LYPD6B: variants seen among roughly 807,000 people sequenced by gnomAD.
The protein encoded by LYPD6B is LY6/PLAUR domain containing 6B.
LYPD6B carries 17 observed loss-of-function variants against 22.8 expected under a neutral mutation model. That is an observed-to-expected ratio of 0.75 (90% CI 0.51 to 1.12). The LOEUF (loss-of-function observed/expected upper bound fraction) is 1.12, where lower values mean the gene tolerates loss of function less well. Ranked by LOEUF, LYPD6B falls within the 50% of genes most tolerant of loss-of-function variation. The pLI is 0.00. For missense variants in LYPD6B, 221 were observed against 258.3 expected, an observed-to-expected ratio of 0.86 and a Z score of 0.99; for synonymous variants, 106 against 91.6, an observed-to-expected ratio of 1.16 and a Z score of -0.90.
intron 2 of LYPD6B, among the ~76,000 whole-genome samples, chr2:149,139,545 G>A (rs1277089864): frequency 6.6e-6 from 1 of 152,162 alleles, no homozygotes; most frequent in Non-Finnish European, 1.5e-5. Flanking sequence ...ACAGATGCTA[G>A]CAAGGCAAAT....
intron 1 of LYPD6B, among the ~76,000 whole-genome samples, chr2:149,052,631 C>T (rs1197020118): frequency 1.3e-5 from 2 of 152,154 alleles, no homozygotes; most frequent in African/African-American, 4.8e-5. Flanking sequence ...TCGGTGGGTG[C>T]AGAGGTGTTG....
chr2:149,173,132 G>A (rs1053950887), intron 3 of LYPD6B, among the ~76,000 whole-genome samples: 2 of 151,582 alleles, frequency 1.3e-5, no homozygotes, highest in East Asian at 1.9e-4. Flanking sequence ...TTCAGGATGA[G>A]GTTCAGTTGT....
intron 3 of LYPD6B, among the ~76,000 whole-genome samples, chr2:149,169,573 G>A (rs1332107739): frequency 6.6e-6 from 1 of 152,176 alleles, no homozygotes; most frequent in Admixed American, 6.5e-5. Flanking sequence ...AGTGACCTAA[G>A]AGAGACAACC....
intron 2 of LYPD6B, among the ~76,000 whole-genome samples, chr2:149,144,879 T>C (rs910984297): frequency 1.3e-5 from 2 of 152,162 alleles, no homozygotes; most frequent in African/African-American, 2.4e-5. Context: ...CCCTGATTTG[T>C]ATTGAATTTG....
chr2:149,125,896 CCT>C (rs1687670716), intron 1 of LYPD6B, among the ~76,000 whole-genome samples: 1 of 152,108 alleles, frequency 6.6e-6, no homozygotes, highest in Non-Finnish European at 1.5e-5. Flanking sequence ...ATAGTAAACT[CCT>C]CTGTTTTTGT....
At chr2:149,079,567 C>G (rs952203700) in intron 1 of LYPD6B, among the ~76,000 whole-genome samples, 2 of 152,106 alleles carry the variant, frequency 1.3e-5, no homozygotes, top group African/African-American at 4.8e-5. Context: ...TACCAGCCAC[C>G]CTTGAAGTCT....
rs1684709767 is a variant in LYPD6B, at chr2:149,073,259, C to G, written c.-67+34458C>G. ...CCCAGCCCAGTATATCTCTTGGTCTCTGACCCATTGCTGATGTGGGCAGAG... is the reference window on the plus strand; with the variant it reads ...CCCAGCCCAGTATATCTCTTGGTCTGTGACCCATTGCTGATGTGGGCAGAG... On this transcript the variant is annotated intron_variant, in intron 1 of 6. Coordinates refer to ENST00000409642, the MANE Select transcript of LYPD6B (RefSeq NM_177964.5). Among the ~76,000 whole-genome samples, 3 of 152,196 alleles carry G rather than the reference C, an allele frequency of 2.0e-5. No individual in the cohort carries two copies. In the South Asian group the frequency reaches 6.2e-4, roughly 31 times the overall value.
At chr2:149,208,472 T>C in intron 5 of LYPD6B, 60 bp downstream of exon 5, 1 of 1,281,552 alleles carries the variant, frequency 7.8e-7, no homozygotes, top group Non-Finnish European at 1.1e-6. Context: ...CTCTCCTGAC[T>C]TGATGATGTT....
At chr2:149,135,086 A>T (rs535546584) in intron 2 of LYPD6B, among the ~76,000 whole-genome samples, 2 of 151,682 alleles carry the variant, frequency 1.3e-5, no homozygotes, top group South Asian at 4.2e-4. Context: ...CTCTACTAAA[A>T]ATACAAAAAT....
At chr2:149,101,859 G>T (rs1686227297) in intron 1 of LYPD6B, among the ~76,000 whole-genome samples, 1 of 152,232 alleles carries the variant, frequency 6.6e-6, no homozygotes, top group Non-Finnish European at 1.5e-5. Context: ...GATGGCTTGA[G>T]ATGATTTCAG....
chr2:149,141,431 T>C (rs899004901), intron 2 of LYPD6B, among the ~76,000 whole-genome samples: 1 of 152,200 alleles, frequency 6.6e-6, no homozygotes, highest in African/African-American at 2.4e-5. Flanking sequence ...TGTTCTGTTA[T>C]TCTGGAAATG....
chr2:149,167,747 G>T (rs966882211), intron 3 of LYPD6B, among the ~76,000 whole-genome samples: 2 of 152,042 alleles, frequency 1.3e-5, no homozygotes, highest in East Asian at 3.9e-4. Context: ...AGGATTTCTG[G>T]GTTTAATTGC....
intron 3 of LYPD6B, chr2:149,204,563 T>C (rs1693385809): frequency 6.5e-6 from 1 of 154,396 alleles, no homozygotes; most frequent in South Asian, 2.0e-4. Flanking sequence ...ACTAACATTA[T>C]ATGGTTGTCA....
chr2:149,140,578 C>T (rs1346157700), intron 2 of LYPD6B, among the ~76,000 whole-genome samples: 2 of 152,192 alleles, frequency 1.3e-5, no homozygotes, highest in Non-Finnish European at 2.9e-5. Flanking sequence ...CCGTGAGAGC[C>T]AATGTCCCTC....
intron 3 of LYPD6B, among the ~76,000 whole-genome samples, chr2:149,164,457 G>A: frequency 6.6e-6 from 1 of 152,126 alleles, no homozygotes; most frequent in East Asian, 1.9e-4. Context: ...CCTTAGTGAT[G>A]CTGATCTTGA....
At chr2:149,093,657 G>A (rs1685771307) in intron 1 of LYPD6B, among the ~76,000 whole-genome samples, 1 of 152,144 alleles carries the variant, frequency 6.6e-6, no homozygotes, top group Admixed American at 6.6e-5. Flanking sequence ...ATATGTTCCA[G>A]CATCACATTG....
At chr2:149,124,657 G>A (rs1255368111) in intron 1 of LYPD6B, among the ~76,000 whole-genome samples, 2 of 152,156 alleles carry the variant, frequency 1.3e-5, no homozygotes, top group African/African-American at 4.8e-5. Flanking sequence ...CAGAAATAGA[G>A]CCCATGAAAA....
chr2:149,150,606 A>G (rs1213400433), intron 2 of LYPD6B, among the ~76,000 whole-genome samples: 5 of 152,076 alleles, frequency 3.3e-5, no homozygotes, highest in African/African-American at 1.2e-4. Flanking sequence ...CTTCTTCTCC[A>G]GAAACTTTTA....
chr2:149,128,585 G>C (rs114390631), intron 1 of LYPD6B, among the ~76,000 whole-genome samples: 1 of 152,178 alleles, frequency 6.6e-6, no homozygotes, highest in African/African-American at 2.4e-5. Flanking sequence ...GTCTCACCTG[G>C]ATAGAGACTA....
Sources: allele counts gnomAD v4.1 joint callset (sites outside exome capture counted in the v4.1 genomes callset), GRCh38; gene constraint gnomAD v4.1.1; transcripts MANE v1.5; gene names NCBI Gene and HGNC (gene_info 2026-07-23, HGNC 2026-07-21).